FBXO17: variants seen among roughly 807,000 people sequenced by gnomAD.
FBXO17 encodes the protein F-box only protein 17.
A neutral mutation model predicts 34.1 loss-of-function variants in FBXO17; 43 were observed. The observed-to-expected ratio is 1.26, with a 90% CI of 0.99 to 1.62. The LOEUF is 1.62. Ranked by LOEUF, FBXO17 falls within the 40% of genes most tolerant of loss-of-function variation. The pLI is 0.00. For synonymous variants in FBXO17, 169 were observed against 166.0 expected, an observed-to-expected ratio of 1.02 and a Z score of -0.14; for missense variants, 424 against 386.7, an observed-to-expected ratio of 1.10 and a Z score of -0.81.
At chr19:38,949,532 C>T (rs1912785065) in intron 2 of FBXO17, among the ~76,000 whole-genome samples, 1 of 149,424 alleles carries the variant, frequency 6.7e-6, no homozygotes, top group Non-Finnish European at 1.5e-5. Flanking sequence ...CTGCACCCCA[C>T]CATTTTTTTT....
intron 1 of FBXO17, among the ~76,000 whole-genome samples, chr19:38,957,474 T>C (rs1284243105): frequency 6.6e-6 from 1 of 152,072 alleles, no homozygotes; most frequent in African/African-American, 2.4e-5. Context: ...GCCTCCCGGG[T>C]AGCTGGGATT....
At chr19:38,943,079 C>G (rs557586036) in intron 5 of FBXO17, among the ~76,000 whole-genome samples, 1 of 151,982 alleles carries the variant, frequency 6.6e-6, no homozygotes, top group African/African-American at 2.4e-5. Context: ...TGGAGGGTGT[C>G]CCAGGCAGCA....
chr19:38,969,576 G>GA (rs1399539723), intron 1 of FBXO17, among the ~76,000 whole-genome samples: 1 of 148,362 alleles, frequency 6.7e-6, no homozygotes, highest in Non-Finnish European at 1.5e-5. Context: ...AATCACTTTG[G>GA]AAACCACTGG....
intron 4 of FBXO17, 141 bp from the exon 5 acceptor site, chr19:38,945,245 C>A (rs966879050): frequency 2.7e-5 from 31 of 1,129,572 alleles, no homozygotes; most frequent in Non-Finnish European, 3.7e-5. Flanking sequence ...GGCCTGGGAA[C>A]CTCTAGGGGA....
Position 38,946,522 on chromosome 19 carries a change from C to T in FBXO17, c.507G>A (p.Val169=), listed in dbSNP as rs1268377328. The part of the protein sequence containing the change: ...RQLVDLVMEG[V]WQELLDSAQI... ...GGGCGCTGTCCAGCAGCTCCTGCCA[C>T]ACCCCTTCCATCACCAGGTCCACAA... The change falls in exon 4 of 6, where the codon GTG becomes GTA. Residue 169 remains valine, a synonymous_variant. Transcript: ENST00000292852. The T allele has an allele frequency of 1.2e-6, 2 of 1,613,960 alleles. No individual in the cohort carries two copies. Among genetic ancestry groups the T allele is most frequent in the Non-Finnish European group, 1.7e-6 (2 of 1,179,944 alleles).
rs1568437550 is a variant in FBXO17 at position 38,945,291 on chromosome 19, G to GGGGGAGGA, written c.558-188_558-187insTCCTCCCC. ...TGGTTCTGGGGTGGAACCAGAGCCT[G>GGGGGAGGA]GCGGAGGAGCCTGGGTGGTCCTGGG... On this transcript the variant is annotated intron_variant, in intron 4 of 5. Coordinates refer to ENST00000292852, the MANE Select transcript of FBXO17 (RefSeq NM_024907.7). 31 of 748,626 alleles carry GGGGGAGGA rather than the reference G, an allele frequency of 4.1e-5. 9 individuals carry two copies. The African/African-American group carries it at 4.7e-4, about 11-fold the overall frequency. 46.4% of individuals were successfully genotyped at this position (748,626 alleles called of 1,614,324 possible). A position where few individuals can be genotyped will look rare whatever the true frequency, so the allele number is the denominator to read the frequency against.
intron 1 of FBXO17, among the ~76,000 whole-genome samples, chr19:38,968,071 CAT>C (rs1975343403): frequency 6.6e-6 from 1 of 152,084 alleles, no homozygotes; most frequent in Non-Finnish European, 1.5e-5. Context: ...CTCGGTGGCT[CAT>C]ACCTGTAATC....
At chr19:38,946,956 C>T in intron 3 of FBXO17, 2 of 209,654 alleles carry the variant, frequency 9.5e-6, no homozygotes, top group South Asian at 1.8e-4. Flanking sequence ...CCTGTTGGAT[C>T]AGCCAATGGG....
Position 38,946,561 on chromosome 19 carries a change from G to C in FBXO17, c.468C>G (p.Cys156Trp). The C allele has an allele frequency of 6.2e-7, 1 of 1,614,028 alleles. No homozygotes were observed. The highest frequency in any genetic ancestry group is 1.1e-5 in the South Asian group (1 of 91,084). ...CCAGGTCCACAAGCTGCCTCTTGGAGCACCATCTGGGAAGGAGAGATGGCA... is the reference window on the plus strand; with the variant it reads ...CCAGGTCCACAAGCTGCCTCTTGGACCACCATCTGGGAAGGAGAGATGGCA... ...QTCFVTSFEWCSKRQLVDLVM... is the reference protein window; with the variant it reads ...QTCFVTSFEWWSKRQLVDLVM... The change falls in exon 4 of 6, where the codon TGC becomes TGG. Residue 156 changes from cysteine (C) to tryptophan (W), a missense_variant. Coordinates refer to ENST00000292852, the MANE Select transcript of FBXO17 (RefSeq NM_024907.7).
At chr19:38,951,908 C>T (rs1166294443) in intron 1 of FBXO17, among the ~76,000 whole-genome samples, 2 of 152,152 alleles carry the variant, frequency 1.3e-5, no homozygotes. Context: ...CTCGGCCTCC[C>T]GAAGTGCTGG....
chr19:38,974,093 T>G (rs1433532104), intron 1 of FBXO17, among the ~76,000 whole-genome samples: 1 of 137,488 alleles, frequency 7.3e-6, no homozygotes, highest in Non-Finnish European at 1.6e-5. Context: ...TAGTTTTTTT[T>G]TTTTTGAGAC....
Position 38,960,783 on chromosome 19 carries a change from C to T in FBXO17, c.-17-10447G>A, listed in dbSNP as rs894748167. Among the ~76,000 whole-genome samples the T allele has an allele frequency of 2.7e-5, 4 of 148,182 alleles. No homozygotes were observed. The Admixed American group carries it at 2.8e-4, about 10-fold the overall frequency. ...TCGGCCTCCCAAAGTGCTGGGACTACAGGCATGAGCCCCTGCACCCGGCCA... is the reference window on the plus strand; with the variant it reads ...TCGGCCTCCCAAAGTGCTGGGACTATAGGCATGAGCCCCTGCACCCGGCCA... On this transcript the variant is annotated intron_variant, in intron 1 of 5. Coordinates refer to ENST00000292852, the MANE Select transcript of FBXO17 (RefSeq NM_024907.7).
chr19:38,952,530 C>T (rs750070737), intron 1 of FBXO17: 2 of 534,462 alleles, frequency 3.7e-6, no homozygotes, highest in South Asian at 2.8e-5. Flanking sequence ...ACCATTCTCC[C>T]TCCACCCTCC....
chr19:38,944,258 T>C (rs1411756381), intron 5 of FBXO17, among the ~76,000 whole-genome samples: 1 of 82,594 alleles, frequency 1.2e-5, no homozygotes, highest in Non-Finnish European at 2.9e-5. Flanking sequence ...ATCTGACTCA[T>C]TATTATTATT....
At chr19:38,966,490 T>C (rs1450324055) in intron 1 of FBXO17, among the ~76,000 whole-genome samples, 1 of 152,090 alleles carries the variant, frequency 6.6e-6, no homozygotes, top group Non-Finnish European at 1.5e-5. Context: ...CATTTTGCAA[T>C]GGGCCATGCA....
intron 1 of FBXO17, among the ~76,000 whole-genome samples, chr19:38,963,386 C>A (rs539246630): frequency 6.6e-6 from 1 of 151,986 alleles, no homozygotes; most frequent in East Asian, 1.9e-4. Flanking sequence ...CCATGACCTC[C>A]CAGGCTCAAG....
At chr19:38,967,746 C>G (rs1975339515) in intron 1 of FBXO17, among the ~76,000 whole-genome samples, 1 of 151,888 alleles carries the variant, frequency 6.6e-6, no homozygotes, top group African/African-American at 2.4e-5. Context: ...GTTGAATTTT[C>G]TATAGAGATG....
intron 1 of FBXO17, among the ~76,000 whole-genome samples, chr19:38,965,130 C>T (rs146907868): frequency 3.3e-5 from 5 of 152,016 alleles, no homozygotes; most frequent in Admixed American, 1.3e-4. Flanking sequence ...GAAAGAGAAA[C>T]ATTTAAGTAA....
chr19:38,956,139 A>T (rs144299922), intron 1 of FBXO17, among the ~76,000 whole-genome samples: 3,681 of 151,812 alleles, frequency 0.024, 152 homozygotes, highest in African/African-American at 0.085. Flanking sequence ...GGTGGTGGGC[A>T]CCTGTAATCC....
Sources: allele counts gnomAD v4.1 joint callset (sites outside exome capture counted in the v4.1 genomes callset), GRCh38; gene constraint gnomAD v4.1.1; transcripts MANE v1.5; gene names NCBI Gene and HGNC (gene_info 2026-07-23, HGNC 2026-07-21).